Variants in LRMDA observed in about 807,000 individuals in gnomAD.
LRMDA encodes the protein leucine-rich melanocyte differentiation-associated protein.
LRMDA carries 18 observed loss-of-function variants against 29.8 expected under a neutral mutation model. That is an observed-to-expected ratio of 0.60 (90% confidence interval 0.42 to 0.90). LRMDA has a LOEUF of 0.90. Among genes scored for constraint, LRMDA ranks in the 40% least tolerant of loss-of-function variants. The pLI, the probability that LRMDA is intolerant of heterozygous loss-of-function variation, is 0.00. For missense variants in LRMDA, 273 were observed against 273.9 expected (o/e 1.00, Z 0.02); for synonymous variants, 125 against 109.4 (o/e 1.14, Z -0.89).
chr10:76,553,644 G>A (rs1349527775), intron 6 of LRMDA, among the ~76,000 whole-genome samples: 1 of 152,146 alleles, frequency 6.6e-6, no homozygotes, highest in Non-Finnish European at 1.5e-5. Context: ...GTGCTGTTTC[G>A]TGCATGTTTG....
chr10:76,393,279 C>T (rs1346504197), intron 6 of LRMDA, among the ~76,000 whole-genome samples: 1 of 152,038 alleles, frequency 6.6e-6, no homozygotes, highest in African/African-American at 2.4e-5. Flanking sequence ...AACTTACATT[C>T]CCACTGGTAA....
chr10:75,630,442 T>A (rs1841308922), intron 2 of LRMDA, among the ~76,000 whole-genome samples: 1 of 152,206 alleles, frequency 6.6e-6, no homozygotes, highest in South Asian at 2.1e-4. Context: ...AAGCATAATA[T>A]AAATGTCTGT....
At chr10:75,496,581 C>A (rs1193650960) in intron 2 of LRMDA, among the ~76,000 whole-genome samples, 2 of 152,064 alleles carry the variant, frequency 1.3e-5, no homozygotes, top group African/African-American at 4.8e-5. Context: ...AGATGTTTTT[C>A]AGGAACACAG....
chr10:75,523,985 G>A (rs1845388705), intron 2 of LRMDA, among the ~76,000 whole-genome samples: 2 of 152,156 alleles, frequency 1.3e-5, no homozygotes, highest in South Asian at 2.1e-4. Flanking sequence ...TTATCACTCC[G>A]AGCTTTGGTT....
chr10:75,532,056 G>GAAAAAAAAAAAA, intron 2 of LRMDA, among the ~76,000 whole-genome samples: 1 of 95,386 alleles, frequency 1.0e-5, no homozygotes. Context: ...AAGAAAGAAA[G>GAAAAAAAAAAAA]AAAAAAAAAA....
chr10:76,131,299 C>A (rs1207125331), intron 5 of LRMDA, among the ~76,000 whole-genome samples: 1 of 152,170 alleles, frequency 6.6e-6, no homozygotes, highest in Non-Finnish European at 1.5e-5. Flanking sequence ...GTGCATTGTT[C>A]AGGACTCAAT....
chr10:75,593,282 C>T (rs1372664137), intron 2 of LRMDA, among the ~76,000 whole-genome samples: 1 of 152,224 alleles, frequency 6.6e-6, no homozygotes, highest in African/African-American at 2.4e-5. Context: ...TTATCCAACT[C>T]ATGCTGCTCC....
Position 75,705,422 on chromosome 10 carries a change from T to C in LRMDA, c.131+266928T>C, listed in dbSNP as rs113461084. On this transcript the variant is annotated intron_variant, in intron 2 of 6. Transcript: ENST00000611255. ...CTTTCTCCAATTTAAAAATCTCATCTCCAGCTGTCCTCAATGGCTCACTTT... is the reference window on the plus strand; with the variant it reads ...CTTTCTCCAATTTAAAAATCTCATCCCCAGCTGTCCTCAATGGCTCACTTT... Among the ~76,000 whole-genome samples the C allele has an allele frequency of 8.5e-3, 1,292 of 152,340 alleles. 7 individuals are homozygous for C. The highest frequency in any genetic ancestry group is 0.015 in the Non-Finnish European group (987 of 68,030).
chr10:76,427,575 C>T (rs950601222), intron 6 of LRMDA, among the ~76,000 whole-genome samples: 3 of 152,080 alleles, frequency 2.0e-5, no homozygotes, highest in Non-Finnish European at 4.4e-5. Flanking sequence ...TTCCTCTTTT[C>T]CTAATTGAAT....
intron 2 of LRMDA, among the ~76,000 whole-genome samples, chr10:75,615,381 T>C (rs1343377706): frequency 6.6e-6 from 1 of 152,170 alleles, no homozygotes; most frequent in Non-Finnish European, 1.5e-5. Context: ...TACTTACCAG[T>C]TGAGCATCCC....
At chr10:75,525,830 C>A (rs192292892) in intron 2 of LRMDA, among the ~76,000 whole-genome samples, 2 of 151,250 alleles carry the variant, frequency 1.3e-5, no homozygotes, top group African/African-American at 4.8e-5. Flanking sequence ...TAAAGCCTTT[C>A]GTAATATCCA....
In LRMDA at chr10:76,248,131, T is replaced by C. The variant is rs186384484; in HGVS notation, c.517-76270T>C. Among the ~76,000 whole-genome samples the C allele has an allele frequency of 2.0e-5, 3 of 152,302 alleles. No homozygotes were observed. In the East Asian group the frequency reaches 5.8e-4, roughly 29 times the overall value. On this transcript the variant is annotated intron_variant, in intron 5 of 6. Coordinates refer to ENST00000611255, the MANE Select transcript of LRMDA (RefSeq NM_001305581.2). ...CAGTGGCTCTCAATTGGGAGCTATTTTGACTCCCAAGAGTCATTTAATAAT... is the reference window on the plus strand; with the variant it reads ...CAGTGGCTCTCAATTGGGAGCTATTCTGACTCCCAAGAGTCATTTAATAAT...
At chr10:76,183,093 C>A (rs183639454) in intron 5 of LRMDA, among the ~76,000 whole-genome samples, 2 of 152,304 alleles carry the variant, frequency 1.3e-5, no homozygotes, top group African/African-American at 4.8e-5. Context: ...CTCTCATTTT[C>A]CTTGTGGATG....
At chr10:76,053,173 A>G (rs2132048078) in intron 4 of LRMDA, among the ~76,000 whole-genome samples, 1 of 152,278 alleles carries the variant, frequency 6.6e-6, no homozygotes, top group Middle Eastern at 3.4e-3. Context: ...GCCCCTGTTG[A>G]CAGTCTGAAT....
chr10:76,436,438 T>C (rs1436301937), intron 6 of LRMDA, among the ~76,000 whole-genome samples: 2 of 152,192 alleles, frequency 1.3e-5, no homozygotes, highest in East Asian at 3.9e-4. Context: ...CTGTGGAATG[T>C]GGGCTGGGCC....
chr10:76,075,039 C>T (rs1165206841), intron 5 of LRMDA, among the ~76,000 whole-genome samples: 2 of 152,158 alleles, frequency 1.3e-5, no homozygotes, highest in Non-Finnish European at 2.9e-5. Flanking sequence ...GGAGGATCCA[C>T]AGTCTGGGTT....
At chr10:75,791,210 A>G (rs1398839783) in intron 2 of LRMDA, among the ~76,000 whole-genome samples, 1 of 152,200 alleles carries the variant, frequency 6.6e-6, no homozygotes, top group Non-Finnish European at 1.5e-5. Context: ...ATAGTGCACT[A>G]GAGTGCTTTC....
At chr10:76,407,113 T>C (rs965623807) in intron 6 of LRMDA, among the ~76,000 whole-genome samples, 3 of 152,092 alleles carry the variant, frequency 2.0e-5, no homozygotes, top group African/African-American at 7.2e-5. Context: ...GGACTAGGTG[T>C]TACGCAGAGA....
intron 6 of LRMDA, among the ~76,000 whole-genome samples, chr10:76,365,897 T>C (rs527333743): frequency 6.6e-6 from 1 of 152,356 alleles, no homozygotes; most frequent in African/African-American, 2.4e-5. Flanking sequence ...TTTAAGTCCT[T>C]AATCCATCTT....
Sources: allele counts gnomAD v4.1 joint callset (sites outside exome capture counted in the v4.1 genomes callset), GRCh38; gene constraint gnomAD v4.1.1; transcripts MANE v1.5; gene names NCBI Gene and HGNC (gene_info 2026-07-23, HGNC 2026-07-21).